The following MTUS1 variants were observed in gnomAD, a reference collection of about 807,000 sequenced individuals.
The protein encoded by MTUS1 is microtubule associated scaffold protein 1.
In MTUS1, 109 loss-of-function variants were observed where a neutral mutation model predicts 120.8. The ratio of observed to expected loss-of-function variants is 0.90; its 90% CI spans 0.77 to 1.06. MTUS1 has a LOEUF of 1.06. MTUS1 is among the 50% of genes least tolerant of loss of function. The pLI, the probability that MTUS1 is intolerant of heterozygous loss-of-function variation, is 0.00. For synonymous variants in MTUS1, 737 were observed against 550.5 expected (o/e 1.34, Z -4.74); for missense variants, 2,210 against 1,486.3 (o/e 1.49, Z -8.01).
chr8:17,761,423 A>C (rs1459156040), intron 1 of MTUS1, among the ~76,000 whole-genome samples: 1 of 152,216 alleles, frequency 6.6e-6, no homozygotes, highest in African/African-American at 2.4e-5. Flanking sequence ...GATCCAATTC[A>C]AACTTCATTT....
In MTUS1 at chr8:17,767,032, A is replaced by T. The variant is rs1042395961; in HGVS notation, c.-154-11071T>A. The stretch of plus-strand genomic sequence containing the variant: ...AATAAGACTGGCACAACCATTTGCC[A>T]TCTTTTCCTGTTATCATCACATAGT... On this transcript the variant is annotated intron_variant, in intron 1 of 14. Transcript: ENST00000693296. 5.7e-4 allele frequency among the ~76,000 whole-genome samples: 87 copies of T among 152,248 alleles called. 1 individual carries two copies. Among genetic ancestry groups the T allele is most frequent in the African/African-American group, 2.0e-3 (85 of 41,556 alleles).
intron 3 of MTUS1, 37 bp from the exon 4 acceptor site, chr8:17,723,870 A>G (rs1389187834): frequency 6.7e-7 from 1 of 1,500,352 alleles, no homozygotes; most frequent in East Asian, 2.3e-5. Flanking sequence ...TTCCAGTGCT[A>G]TTCATCCCGA....
At chr8:17,783,841 G>A (rs10091287) in intron 1 of MTUS1, among the ~76,000 whole-genome samples, 4,020 of 152,244 alleles carry the variant, frequency 0.026, 192 homozygotes, top group African/African-American at 0.093. Context: ...CTCTGCTGTG[G>A]TCAACAAATA....
chr8:17,782,735 T>C (rs1455286598), intron 1 of MTUS1, among the ~76,000 whole-genome samples: 3 of 152,148 alleles, frequency 2.0e-5, no homozygotes, highest in African/African-American at 7.2e-5. Context: ...GTCTACAGTG[T>C]AAAAAATGTT....
chr8:17,799,240 T>C (rs949908987), intron 1 of MTUS1, among the ~76,000 whole-genome samples: 3 of 151,168 alleles, frequency 2.0e-5, no homozygotes, highest in African/African-American at 4.9e-5. Flanking sequence ...GTTGCAAAAG[T>C]ATATTTAGTA....
intron 2 of MTUS1, among the ~76,000 whole-genome samples, 165 bp downstream of exon 2, chr8:17,753,552 C>T (rs1489789270): frequency 6.6e-6 from 1 of 151,918 alleles, no homozygotes. Context: ...TGTATTGAAA[C>T]CTATTAACAC....
chr8:17,693,554 T>A (rs1408687769), intron 6 of MTUS1, among the ~76,000 whole-genome samples: 2 of 152,140 alleles, frequency 1.3e-5, no homozygotes, highest in Non-Finnish European at 2.9e-5. Context: ...CTACAACTCC[T>A]TTGTTTCCTT....
intron 2 of MTUS1, among the ~76,000 whole-genome samples, chr8:17,749,767 CTGTATACCTTACA>C (rs890007314): frequency 7.9e-5 from 12 of 152,076 alleles, no homozygotes; most frequent in African/African-American, 2.9e-4. Flanking sequence ...GACAGAACCA[CTGTATACCTTACA>C]TGTACTGATT....
chr8:17,737,606 G>A (rs1586057483), intron 3 of MTUS1, among the ~76,000 whole-genome samples: 1 of 152,100 alleles, frequency 6.6e-6, no homozygotes, highest in East Asian at 1.9e-4. Flanking sequence ...TCCCACCTCA[G>A]CCTCCTGAGT....
At chr8:17,768,354 A>C (rs6988030) in intron 1 of MTUS1, among the ~76,000 whole-genome samples, 1 of 152,028 alleles carries the variant, frequency 6.6e-6, no homozygotes, top group African/African-American at 2.4e-5. Context: ...GAGGTTCAAA[A>C]CATGAATAAG....
intron 2 of MTUS1, among the ~76,000 whole-genome samples, chr8:17,751,035 G>A (rs534348787): frequency 1.1e-4 from 17 of 152,190 alleles, no homozygotes; most frequent in Non-Finnish European, 2.4e-4. Flanking sequence ...ATTAACATCC[G>A]ACCGGGCGCG....
At chr8:17,694,610 G>T (rs12678650) in intron 6 of MTUS1, among the ~76,000 whole-genome samples, 51,779 of 151,768 alleles carry the variant, frequency 0.34, 9,019 homozygotes, top group East Asian at 0.55. Flanking sequence ...GGAGGTTGCA[G>T]TGGGCCCAGA....
intron 3 of MTUS1, among the ~76,000 whole-genome samples, chr8:17,741,127 C>A (rs1033180935): frequency 6.6e-6 from 1 of 152,274 alleles, no homozygotes; most frequent in East Asian, 1.9e-4. Flanking sequence ...GATCCACCTG[C>A]CTCAGCCTCC....
At chr8:17,647,210 T>G (rs1446814955) in intron 13 of MTUS1, 131 bp from the exon 14 acceptor site, 2 of 669,724 alleles carry the variant, frequency 3.0e-6, no homozygotes, top group African/African-American at 3.7e-5. Flanking sequence ...ATTAAAATAT[T>G]TATACACTAA....
At chr8:17,715,090 G>A (rs35917076) in intron 5 of MTUS1, among the ~76,000 whole-genome samples, 24 of 151,512 alleles carry the variant, frequency 1.6e-4, no homozygotes, top group Middle Eastern at 3.2e-3. Context: ...ATTTTTAGTA[G>A]AGATGGGGTT....
intron 4 of MTUS1, among the ~76,000 whole-genome samples, chr8:17,720,608 T>C (rs749906292): frequency 1.3e-5 from 2 of 152,200 alleles, no homozygotes; most frequent in African/African-American, 4.8e-5. Context: ...GAGGAAGTAA[T>C]GTCTTTGGAC....
intron 1 of MTUS1, among the ~76,000 whole-genome samples, chr8:17,790,905 T>C (rs766560739): frequency 1.3e-4 from 20 of 152,054 alleles, no homozygotes; most frequent in Non-Finnish European, 2.9e-5. Flanking sequence ...GAGAATCGCT[T>C]GAATCCGGGA....
At chr8:17,677,356 A>G (rs762262050) in intron 7 of MTUS1, among the ~76,000 whole-genome samples, 1 of 152,244 alleles carries the variant, frequency 6.6e-6, no homozygotes, top group Non-Finnish European at 1.5e-5. Context: ...CTAAATGCCC[A>G]CAAACAATCC....
chr8:17,660,735 A>T (rs968096661), intron 8 of MTUS1, among the ~76,000 whole-genome samples: 1 of 152,146 alleles, frequency 6.6e-6, no homozygotes, highest in Non-Finnish European at 1.5e-5. Flanking sequence ...AGCCATCCTA[A>T]TGAGTACATC....
Sources: gnomAD v4.1 joint callset for allele counts (sites outside exome capture counted in the v4.1 genomes callset) on GRCh38, gnomAD v4.1.1 for gene constraint, MANE v1.5 for transcripts, NCBI Gene and HGNC (gene_info 2026-07-23, HGNC 2026-07-21) for gene names.